The following EHBP1 variants were observed in gnomAD, a reference collection of about 807,000 sequenced individuals.
The protein encoded by EHBP1 is EH domain binding protein 1.
A neutral mutation model predicts 144.0 loss-of-function variants in EHBP1; 55 were observed. That is an observed-to-expected ratio of 0.38 (90% CI 0.31 to 0.48). The LOEUF is 0.48. EHBP1 is among the 20% of genes least tolerant of loss of function. EHBP1 has a pLI of 0.98. For missense variants in EHBP1, 1,200 were observed against 1,364.2 expected (o/e 0.88, Z 1.90); for synonymous variants, 469 against 472.7 (o/e 0.99, Z 0.10).
chr2:62,992,331 A>T (rs2153223634), intron 16 of EHBP1, among the ~76,000 whole-genome samples: 1 of 152,296 alleles, frequency 6.6e-6, no homozygotes, highest in Non-Finnish European at 1.5e-5. Flanking sequence ...TATAAGCATG[A>T]TATTAATGAT....
intron 11 of EHBP1, 24 bp from the exon 12 acceptor site, chr2:62,943,778 C>T: frequency 1.9e-6 from 3 of 1,539,310 alleles, no homozygotes; most frequent in South Asian, 2.4e-5. Context: ...CTATATGTAC[C>T]CACTGTGCTA....
chr2:62,692,534 AC>A (rs1352008095), intron 1 of EHBP1, among the ~76,000 whole-genome samples: 1 of 152,152 alleles, frequency 6.6e-6, no homozygotes, highest in East Asian at 1.9e-4. Context: ...ATCCTCATCA[AC>A]CCTTGTTATT....
At chr2:62,922,809 T>A (rs1368822530) in intron 10 of EHBP1, among the ~76,000 whole-genome samples, 4 of 152,188 alleles carry the variant, frequency 2.6e-5, no homozygotes, top group African/African-American at 9.7e-5. Context: ...CTTCCATTCC[T>A]TAGGATTTAA....
intron 15 of EHBP1, among the ~76,000 whole-genome samples, chr2:62,985,388 A>G (rs907765312): frequency 6.6e-6 from 1 of 152,204 alleles, no homozygotes; most frequent in South Asian, 2.1e-4. Flanking sequence ...TTCAGTACTT[A>G]TATTACTACT....
At chr2:62,728,825 C>G (rs1415687093) in intron 2 of EHBP1, among the ~76,000 whole-genome samples, 2 of 151,306 alleles carry the variant, frequency 1.3e-5, no homozygotes, top group Non-Finnish European at 3.0e-5. Context: ...TTAGACTTTG[C>G]CTAACCCAAA....
chr2:62,776,615 G>A (rs1449494183), intron 5 of EHBP1, among the ~76,000 whole-genome samples: 1 of 152,108 alleles, frequency 6.6e-6, no homozygotes, highest in African/African-American at 2.4e-5. Flanking sequence ...AAGGCAACTT[G>A]TAACATCTCA....
At chr2:62,797,655 C>A (rs1379780258) in intron 5 of EHBP1, among the ~76,000 whole-genome samples, 1 of 152,104 alleles carries the variant, frequency 6.6e-6, no homozygotes, top group Non-Finnish European at 1.5e-5. Flanking sequence ...ATGGAGGATA[C>A]CCAGGCATGA....
At chr2:62,863,477 A>C (rs560050564) in intron 8 of EHBP1, among the ~76,000 whole-genome samples, 1 of 152,374 alleles carries the variant, frequency 6.6e-6, no homozygotes, top group East Asian at 1.9e-4. Flanking sequence ...ATTGTTTTCA[A>C]ATTAAAATTT....
chr2:62,845,949 A>G (rs1231306524), intron 7 of EHBP1, among the ~76,000 whole-genome samples: 5 of 152,270 alleles, frequency 3.3e-5, no homozygotes, highest in South Asian at 2.1e-4. Flanking sequence ...CCTTTAGCCA[A>G]TAAGTTTATA....
intron 15 of EHBP1, among the ~76,000 whole-genome samples, chr2:62,984,210 A>C (rs1210190516): frequency 2.6e-5 from 4 of 152,108 alleles, no homozygotes; most frequent in African/African-American, 9.7e-5. Flanking sequence ...AAAAATGCAG[A>C]TATTCTCTCT....
At chr2:62,816,292 C>CTTA (rs2045444931) in intron 5 of EHBP1, among the ~76,000 whole-genome samples, 1 of 152,050 alleles carries the variant, frequency 6.6e-6, no homozygotes, top group Non-Finnish European at 1.5e-5. Context: ...AGACACTCTT[C>CTTA]TTATTAAATT....
At chr2:62,758,094 C>T (rs1018064562) in intron 3 of EHBP1, among the ~76,000 whole-genome samples, 6 of 151,736 alleles carry the variant, frequency 4.0e-5, no homozygotes, top group African/African-American at 1.5e-4. Flanking sequence ...GCTAAATATA[C>T]TAGGAGCTCA....
Position 62,979,171 on chromosome 2 carries a change from T to C in EHBP1, c.2461-17T>C. ...TTCTGTCAATTACTGAGTTGGCAAC[T>C]GTTCAATATATCTTAGCAGCAAGAT... On this transcript the variant is annotated splice_polypyrimidine_tract_variant and intron_variant, in intron 14 of 22. Coordinates refer to ENST00000431489, the MANE Select transcript of EHBP1 (RefSeq NM_001142616.3). 1 of 1,596,640 alleles carries C rather than the reference T, an allele frequency of 6.3e-7. No homozygotes were observed. Among genetic ancestry groups the C allele is most frequent in the Non-Finnish European group, 8.5e-7 (1 of 1,169,856 alleles).
intron 2 of EHBP1, among the ~76,000 whole-genome samples, chr2:62,718,321 CA>C (rs2035883209): frequency 6.6e-6 from 1 of 152,166 alleles, no homozygotes; most frequent in African/African-American, 2.4e-5. Flanking sequence ...GTGCTATTTA[CA>C]TCTAAATTTA....
intron 10 of EHBP1, among the ~76,000 whole-genome samples, chr2:62,894,922 A>AG (rs1232913791): frequency 2.3e-5 from 3 of 130,060 alleles, no homozygotes; most frequent in South Asian, 5.5e-4. Flanking sequence ...GCAAAAACAG[A>AG]AAGAAAGAGA....
chr2:62,882,266 C>T (rs1415600453), intron 10 of EHBP1, among the ~76,000 whole-genome samples: 1 of 151,996 alleles, frequency 6.6e-6, no homozygotes, highest in Non-Finnish European at 1.5e-5. Context: ...GTGTTTTTTT[C>T]CCCCAATGAC....
intron 5 of EHBP1, among the ~76,000 whole-genome samples, chr2:62,809,272 C>G (rs2044759530): frequency 8.5e-6 from 1 of 118,314 alleles, no homozygotes; most frequent in Non-Finnish European, 1.6e-5. Context: ...GCCTGGGCAA[C>G]AGAGTGAGAC....
intron 5 of EHBP1, among the ~76,000 whole-genome samples, chr2:62,806,207 C>T (rs1287826891): frequency 1.3e-5 from 2 of 152,134 alleles, no homozygotes; most frequent in Admixed American, 1.3e-4. Context: ...TGATCTTGAA[C>T]TCCTAGACTC....
chr2:62,910,279 T>C (rs534014493), intron 10 of EHBP1, among the ~76,000 whole-genome samples: 17 of 152,322 alleles, frequency 1.1e-4, no homozygotes, highest in African/African-American at 4.1e-4. Flanking sequence ...TACCATACTA[T>C]AGTAAAAGTG....
Sources: allele counts gnomAD v4.1 joint callset (sites outside exome capture counted in the v4.1 genomes callset), GRCh38; gene constraint gnomAD v4.1.1; transcripts MANE v1.5; gene names NCBI Gene and HGNC (gene_info 2026-07-23, HGNC 2026-07-21).